The following UBE2K variants were observed in gnomAD, a reference collection of about 807,000 sequenced individuals.
The protein encoded by UBE2K is ubiquitin-conjugating enzyme E2 K.
UBE2K carries 6 observed loss-of-function variants against 30.0 expected under a neutral mutation model. That is an observed-to-expected ratio of 0.20 (90% CI 0.11 to 0.39). The LOEUF (loss-of-function observed/expected upper bound fraction) is 0.39. Ranked by LOEUF, UBE2K falls within the 10% of genes least tolerant of loss-of-function variation. The pLI is 1.00. For synonymous variants in UBE2K, 86 were observed against 83.7 expected, an observed-to-expected ratio of 1.03 and a Z score of -0.15; for missense variants, 61 against 241.6, an observed-to-expected ratio of 0.25 and a Z score of 4.96.
At chr4:39,746,491 T>A (rs1259481051) in intron 3 of UBE2K, among the ~76,000 whole-genome samples, 1 of 152,238 alleles carries the variant, frequency 6.6e-6, no homozygotes, top group Non-Finnish European at 1.5e-5. Context: ...TTTCCATTTC[T>A]ACTCATTCTC....
At chr4:39,729,822 TTGCCTCCATTTTGC>T (rs1249472851) in intron 1 of UBE2K, among the ~76,000 whole-genome samples, 3 of 152,264 alleles carry the variant, frequency 2.0e-5, no homozygotes, top group African/African-American at 7.2e-5. Flanking sequence ...AAGTCCTCGT[TTGCCTCCATTTTGC>T]ACAGCGTGTA....
intron 1 of UBE2K, among the ~76,000 whole-genome samples, chr4:39,704,705 T>G (rs981811120): frequency 1.3e-5 from 2 of 151,984 alleles, no homozygotes; most frequent in Admixed American, 6.6e-5. Context: ...CATGCCCAGC[T>G]AATTTATGTA....
intron 1 of UBE2K, among the ~76,000 whole-genome samples, chr4:39,734,896 G>A (rs1201150651): frequency 2.6e-5 from 4 of 152,192 alleles, no homozygotes; most frequent in African/African-American, 9.7e-5. Context: ...CATTTTACTA[G>A]CCAGAGATTT....
At chr4:39,707,225 T>C (rs2109307141) in intron 1 of UBE2K, among the ~76,000 whole-genome samples, 1 of 151,544 alleles carries the variant, frequency 6.6e-6, no homozygotes, top group African/African-American at 2.4e-5. Flanking sequence ...TTGTTTTGTT[T>C]TGTTTGAGAT....
chr4:39,704,176 A>C (rs1231050682), intron 1 of UBE2K, among the ~76,000 whole-genome samples: 1 of 151,910 alleles, frequency 6.6e-6, no homozygotes, highest in Non-Finnish European at 1.5e-5. Flanking sequence ...GAATCGTTTG[A>C]GTCTGGGAGG....
chr4:39,782,330 C>T lies in UBE2K; in HGVS notation c.*3896C>T. On this transcript the variant is annotated 3_prime_UTR_variant, in exon 7 of 7. Coordinates refer to ENST00000261427, the MANE Select transcript of UBE2K (RefSeq NM_005339.5). ...CATCATAATAAAAGCTAGACTATTT[C>T]TTTGGGGGGAAAGAGACTTATTTAA... 4.8e-6 allele frequency: 1 copy of T among 208,786 alleles called. No individual in the cohort carries two copies. Among genetic ancestry groups the T allele is most frequent in the East Asian group, 1.0e-4 (1 of 9,802 alleles). The allele number at this position is 208,786 out of a possible 1,614,324, so 12.9% of individuals were successfully genotyped here.
intron 1 of UBE2K, among the ~76,000 whole-genome samples, chr4:39,700,907 A>G (rs1385329283): frequency 1.9e-5 from 1 of 52,600 alleles, no homozygotes; most frequent in Non-Finnish European, 3.6e-5. Flanking sequence ...AGCAAGGTGC[A>G]GAATAGTGTG....
At chr4:39,699,132 G>A (rs544686648) in intron 1 of UBE2K, among the ~76,000 whole-genome samples, 1 of 152,250 alleles carries the variant, frequency 6.6e-6, no homozygotes, top group East Asian at 1.9e-4. Context: ...AAGGTGTTTG[G>A]TGTATTAAAG....
intron 2 of UBE2K, among the ~76,000 whole-genome samples, chr4:39,738,461 A>C (rs1720496888): frequency 6.6e-6 from 1 of 152,202 alleles, no homozygotes; most frequent in African/African-American, 2.4e-5. Flanking sequence ...AATTGACTTA[A>C]TATTGGAAGT....
Position 39,779,042 on chromosome 4 carries a change from A to ACCCCCCCCCCCCCCCCCCCTCCCCCCCC in UBE2K, c.*616_*617insCCCCCCCCCCCTCCCCCCCCCCCCCCCC, listed in dbSNP as rs3839130. 7.8e-6 allele frequency: 1 copy of ACCCCCCCCCCCCCCCCCCCTCCCCCCCC among 128,224 alleles called. No homozygotes were observed. Among genetic ancestry groups the ACCCCCCCCCCCCCCCCCCCTCCCCCCCC allele is most frequent in the African/African-American group, 3.0e-5 (1 of 32,820 alleles). The allele number at this position is 128,224 out of a possible 1,614,324, so 7.9% of individuals were successfully genotyped here. ...TGGGACAGTGTCTGATTCCCCCTTC[A>ACCCCCCCCCCCCCCCCCCCTCCCCCCCC]CCCCCCCCACCCCCGCCTTGCCACA... On this transcript the variant is annotated 3_prime_UTR_variant, in exon 7 of 7. Coordinates refer to ENST00000261427, the MANE Select transcript of UBE2K (RefSeq NM_005339.5).
intron 1 of UBE2K, chr4:39,714,536 A>ATTT (rs1718910535): frequency 4.1e-5 from 1 of 24,296 alleles, no homozygotes; most frequent in Admixed American, 8.0e-4. Context: ...ATATATATAT[A>ATTT]TATATATATA....
At chr4:39,770,711 C>A in intron 4 of UBE2K, 1 of 1,572,890 alleles carries the variant, frequency 6.4e-7, no homozygotes, top group Admixed American at 1.8e-5. Context: ...GGGCCAGCTC[C>A]CCAAGGTGGC....
At chr4:39,732,822 T>G (rs1049709342) in intron 1 of UBE2K, among the ~76,000 whole-genome samples, 5 of 151,710 alleles carry the variant, frequency 3.3e-5, no homozygotes, top group Admixed American at 6.6e-5. Flanking sequence ...ATTACAGACA[T>G]GTGCTACCAT....
intron 1 of UBE2K, among the ~76,000 whole-genome samples, chr4:39,736,684 C>T (rs886691982): frequency 2.6e-5 from 4 of 152,092 alleles, no homozygotes; most frequent in African/African-American, 9.7e-5. Context: ...CTCAGTAATG[C>T]TATAGATAGG....
chr4:39,698,503 T>C, intron 1 of UBE2K, 113 bp downstream of exon 1: 1 of 961,492 alleles, frequency 1.0e-6, no homozygotes, highest in Non-Finnish European at 1.6e-6. Flanking sequence ...GCGGCCGCCC[T>C]TCTGCCTGTG....
At chr4:39,762,988 A>G (rs188229011) in intron 4 of UBE2K, among the ~76,000 whole-genome samples, 1 of 123,352 alleles carries the variant, frequency 8.1e-6, no homozygotes, top group Non-Finnish European at 1.6e-5. Flanking sequence ...AAGCTGGAGT[A>G]CAATGGTGCA....
chr4:39,774,776 C>T lies in UBE2K; in HGVS notation c.300-58C>T, dbSNP rs191336963. On this transcript the variant is annotated intron_variant, in intron 4 of 6. Coordinates refer to ENST00000261427, the MANE Select transcript of UBE2K (RefSeq NM_005339.5). ...TTTTTTAATTTTTATTAAGAAAATA[C>T]TTTGCTTTTGCCTGCAGAGCCCTCT... 1.7e-3 allele frequency: 1,833 copies of T among 1,048,634 alleles called. 3 individuals are homozygous for T. Among genetic ancestry groups the T allele is most frequent in the Admixed American group, 2.9e-3 (93 of 32,438 alleles). 65.0% of individuals were successfully genotyped at this position (1,048,634 alleles called of 1,614,324 possible). A position where few individuals can be genotyped will look rare whatever the true frequency, so the allele number is the denominator to read the frequency against.
intron 3 of UBE2K, among the ~76,000 whole-genome samples, chr4:39,751,790 A>G (rs1578477159): frequency 6.6e-6 from 1 of 152,122 alleles, no homozygotes; most frequent in Non-Finnish European, 1.5e-5. Context: ...ACATGGTGAA[A>G]CCCTGTCACT....
intron 1 of UBE2K, among the ~76,000 whole-genome samples, chr4:39,700,531 A>G (rs1000046882): frequency 1.3e-5 from 2 of 152,226 alleles, no homozygotes; most frequent in Admixed American, 6.5e-5. Flanking sequence ...TATTTTCACC[A>G]GTATTTTTTG....
Sources: gnomAD v4.1 joint callset for allele counts (sites outside exome capture counted in the v4.1 genomes callset) on GRCh38, gnomAD v4.1.1 for gene constraint, MANE v1.5 for transcripts, NCBI Gene and HGNC (gene_info 2026-07-23, HGNC 2026-07-21) for gene names.